The following NEMP2 variants were observed in gnomAD, a reference collection of about 807,000 sequenced individuals.
The protein encoded by NEMP2 is UPF0571 transmembrane protein.
A neutral mutation model predicts 54.2 loss-of-function variants in NEMP2; 53 were observed. The observed-to-expected ratio is 0.98, with a 90% CI of 0.78 to 1.23. The LOEUF is 1.23. Ranked by LOEUF, NEMP2 falls within the 50% of genes most tolerant of loss-of-function variation. The pLI is 0.00. For synonymous variants in NEMP2, 197 were observed against 190.3 expected (o/e 1.04, Z -0.29); for missense variants, 455 against 511.3 (o/e 0.89, Z 1.06).
the NEMP2 span, among the ~76,000 whole-genome samples, chr2:190,632,814 C>A: frequency 1.3e-5 from 2 of 152,096 alleles, no homozygotes; most frequent in African/African-American, 4.8e-5. This position sits in a 1 kb window ranked among gnomAD's most constrained non-coding sequence, Gnocchi z 4.8. Flanking sequence ...AATCCATGAC[C>A]AAGCAGTAAT....
At chr2:190,574,714 C>CTCTT in the NEMP2 span, among the ~76,000 whole-genome samples, 2 of 150,420 alleles carry the variant, frequency 1.3e-5, no homozygotes, top group African/African-American at 2.5e-5. Flanking sequence ...TTTTTTCTTT[C>CTCTT]TCTTTCTTTC....
At chr2:190,490,093 G>A in the NEMP2 span, among the ~76,000 whole-genome samples, 1 of 141,056 alleles carries the variant, frequency 7.1e-6, no homozygotes, top group Admixed American at 6.9e-5. This position sits in a 1 kb window ranked among gnomAD's most constrained non-coding sequence, Gnocchi z 4.5. Context: ...TTTTTTGTTT[G>A]TTTGTTTTCT....
intron 5 of NEMP2, among the ~76,000 whole-genome samples, 158 bp downstream of exon 5, chr2:190,517,362 G>A (rs539475868): frequency 1.5e-4 from 23 of 151,556 alleles, no homozygotes; most frequent in African/African-American, 5.6e-4. Context: ...AATAAAATCA[G>A]GAACTCCAGA....
At chr2:190,552,719 CAA>C in the NEMP2 span, among the ~76,000 whole-genome samples, 35 of 147,404 alleles carry the variant, frequency 2.4e-4, no homozygotes, top group African/African-American at 8.5e-4. Context: ...GAACCTATCT[CAA>C]AAAAAAAAAA....
chr2:190,517,930 A>C (rs1000058512), intron 4 of NEMP2, among the ~76,000 whole-genome samples: 23 of 152,186 alleles, frequency 1.5e-4, no homozygotes, highest in Non-Finnish European at 2.2e-4. Context: ...AGGCACCAAA[A>C]AGTTAAAAAA....
At chr2:190,545,008 T>G in the NEMP2 span, among the ~76,000 whole-genome samples, 1 of 151,022 alleles carries the variant, frequency 6.6e-6, no homozygotes, top group Non-Finnish European at 1.5e-5. Context: ...GAGGCTGATG[T>G]AGGAGGATCA....
chr2:190,567,885 G>A, the NEMP2 span, among the ~76,000 whole-genome samples: 2,824 of 152,238 alleles, frequency 0.019, 79 homozygotes, highest in East Asian at 0.15. This position sits in a 1 kb window ranked among gnomAD's most constrained non-coding sequence, Gnocchi z 4.0. Context: ...TTGACCTTGC[G>A]ATTCGCCCGC....
Position 190,510,875 on chromosome 2 carries a change from C to T in NEMP2, c.954-338G>A, listed in dbSNP as rs200775023. Among the ~76,000 whole-genome samples the T allele has an allele frequency of 1.4e-5, 2 of 145,558 alleles. No individual in the cohort carries two copies. Among genetic ancestry groups the T allele is most frequent in the African/African-American group, 5.1e-5 (2 of 39,166 alleles). ...CAGCCTGGGCGACAGAGGGAGACTC[C>T]GTCTCAAAAAAAAAAAAAAAAGATT... On this transcript the variant is annotated intron_variant, in intron 7 of 8. Coordinates refer to ENST00000409150, the MANE Select transcript of NEMP2 (RefSeq NM_001142645.2). This position sits in a 1 kb window ranked among gnomAD's most constrained non-coding sequence, Gnocchi z 5.7.
the NEMP2 span, among the ~76,000 whole-genome samples, chr2:190,421,789 G>A: frequency 6.6e-6 from 1 of 151,992 alleles, no homozygotes; most frequent in African/African-American, 2.4e-5. Context: ...GACTTTAATT[G>A]ATCCTCTTGC....
chr2:190,602,205 G>A, the NEMP2 span, among the ~76,000 whole-genome samples: 1 of 152,168 alleles, frequency 6.6e-6, no homozygotes, highest in Non-Finnish European at 1.5e-5. Context: ...TTTATTTTAA[G>A]GAATTTGCTC....
chr2:190,469,572 T>C, the NEMP2 span: 3 of 310,120 alleles, frequency 9.7e-6, no homozygotes, highest in African/African-American at 6.4e-5. The surrounding 1 kb of genome is among the most constrained non-coding windows in gnomAD (Gnocchi z 5.3). Context: ...AATTCATGCT[T>C]AAATGTAATT....
chr2:190,637,310 TTC>T, the NEMP2 span, among the ~76,000 whole-genome samples: 1 of 152,134 alleles, frequency 6.6e-6, no homozygotes, highest in African/African-American at 2.4e-5. This position sits in a 1 kb window ranked among gnomAD's most constrained non-coding sequence, Gnocchi z 4.5. Context: ...TTTCAATCAT[TTC>T]TCTCTTCTCT....
At chr2:190,623,307 GA>G in the NEMP2 span, among the ~76,000 whole-genome samples, 7 of 150,288 alleles carry the variant, frequency 4.7e-5, no homozygotes, top group African/African-American at 9.8e-5. Context: ...CACAGAAATA[GA>G]AAAAAAAACC....
the NEMP2 span, among the ~76,000 whole-genome samples, chr2:190,601,387 G>C: frequency 6.6e-6 from 1 of 152,100 alleles, no homozygotes. The surrounding 1 kb of genome is among the most constrained non-coding windows in gnomAD (Gnocchi z 5.8). Context: ...TAAGCCGCTC[G>C]CTTTGTGGTG....
rs1300916745 is a variant in NEMP2, at chr2:190,508,863, G to C, written c.*326C>G. ...GATTAAGACCAGATTTAGTGCCCTGGTGTCGACAAAGCACCTGTTCATGCT... is the reference window on the plus strand; with the variant it reads ...GATTAAGACCAGATTTAGTGCCCTGCTGTCGACAAAGCACCTGTTCATGCT... On this transcript the variant is annotated 3_prime_UTR_variant, in exon 9 of 9. Coordinates refer to ENST00000409150, the MANE Select transcript of NEMP2 (RefSeq NM_001142645.2). The surrounding 1 kb of genome is among the most constrained non-coding windows in gnomAD (Gnocchi z 4.3). 1 of 285,488 alleles carries C rather than the reference G, an allele frequency of 3.5e-6. No individual in the cohort carries two copies. Among genetic ancestry groups the C allele is most frequent in the African/African-American group, 2.2e-5 (1 of 45,652 alleles). 17.7% of individuals were successfully genotyped at this position (285,488 alleles called of 1,614,324 possible). A position where few individuals can be genotyped will look rare whatever the true frequency, so the allele number is the denominator to read the frequency against.
At position 190,531,462 on chromosome 2, in the gene NEMP2, G is replaced by A. The variant is rs12693578; in HGVS notation, c.97+3097C>T. Among the ~76,000 whole-genome samples, 80,521 of 152,036 alleles carry A rather than the reference G, an allele frequency of 0.53. 22,689 individuals are homozygous for A. Among genetic ancestry groups the A allele is most frequent in the Admixed American group, 0.63 (9,693 of 15,284 alleles). On this transcript the variant is annotated intron_variant, in intron 1 of 8. Coordinates refer to ENST00000409150, the MANE Select transcript of NEMP2 (RefSeq NM_001142645.2). The surrounding 1 kb of genome is among the most constrained non-coding windows in gnomAD (Gnocchi z 4.7). ...TGCAATCCTCAGCAGGCTCTTTGATGCTTTCAATTAACCTGACTTCTAGAG... is the reference window on the plus strand; with the variant it reads ...TGCAATCCTCAGCAGGCTCTTTGATACTTTCAATTAACCTGACTTCTAGAG...
chr2:190,550,706 C>T, the NEMP2 span, among the ~76,000 whole-genome samples: 4 of 152,114 alleles, frequency 2.6e-5, no homozygotes, highest in African/African-American at 9.7e-5. This position sits in a 1 kb window ranked among gnomAD's most constrained non-coding sequence, Gnocchi z 4.7. Context: ...ACATGTTATG[C>T]TCTCTCTTAA....
chr2:190,581,493 T>C, the NEMP2 span, among the ~76,000 whole-genome samples: 1 of 152,176 alleles, frequency 6.6e-6, no homozygotes, highest in Non-Finnish European at 1.5e-5. Flanking sequence ...CTACTTTATA[T>C]GCTGTGATGT....
At chr2:190,572,833 G>GTGTATATATA in the NEMP2 span, among the ~76,000 whole-genome samples, 4 of 47,862 alleles carry the variant, frequency 8.4e-5, no homozygotes, top group East Asian at 9.2e-4. Flanking sequence ...CTTTTCATGA[G>GTGTATATATA]TATATATATA....
Sources: gnomAD v4.1 joint callset for allele counts (sites outside exome capture counted in the v4.1 genomes callset) on GRCh38, gnomAD v4.1.1 for gene constraint, Gnocchi (gnomAD v3.1) non-coding constraint, MANE v1.5 for transcripts, NCBI Gene and HGNC (gene_info 2026-07-23, HGNC 2026-07-21) for gene names.